Variants in UNC13D observed in about 807,000 individuals in gnomAD.
UNC13D encodes the protein protein unc-13 homolog D.
In UNC13D, 115 loss-of-function variants were observed where a neutral mutation model predicts 151.7. The ratio of observed to expected loss-of-function variants is 0.76; its 90% CI spans 0.65 to 0.88. The LOEUF (loss-of-function observed/expected upper bound fraction) is 0.88, where lower values mean the gene tolerates loss of function less well. Ranked by LOEUF, UNC13D falls within the 40% of genes least tolerant of loss-of-function variation. UNC13D has a pLI of 0.00. For synonymous variants in UNC13D, 588 were observed against 612.2 expected, an observed-to-expected ratio of 0.96 and a Z score of 0.58; for missense variants, 1,369 against 1,438.7, an observed-to-expected ratio of 0.95 and a Z score of 0.78.
intron 12 of UNC13D, among the ~76,000 whole-genome samples, chr17:75,838,838 C>T (rs577378482): frequency 9.6e-4 from 146 of 152,312 alleles, no homozygotes; most frequent in African/African-American, 3.0e-3. Flanking sequence ...CGGTGGCACG[C>T]GCCTATAATC....
chr17:75,840,961 T>C lies in UNC13D; in HGVS notation c.610A>G (p.Met204Val), dbSNP rs144722609. ...GGGGCAGGCCAGGTCACTCACCACATGTCCAGATGAAAGCTCGCATTGGTG... is the reference window on the plus strand; with the variant it reads ...GGGGCAGGCCAGGTCACTCACCACACGTCCAGATGAAAGCTCGCATTGGTG... The part of the protein sequence containing the change: ...DITNASFHLD[M>V]WDLDTVESVR... The change falls in exon 7 of 32, where the codon ATG becomes GTG. Residue 204 changes from methionine to valine, a missense_variant. This residue lies in a region of UNC13D where 550 missense variants were observed against 609.0 expected (regional missense o/e 0.90). Coordinates refer to ENST00000207549, the MANE Select transcript of UNC13D (RefSeq NM_199242.3). The surrounding 1 kb of genome is among the most constrained non-coding windows in gnomAD (Gnocchi z 4.6). 1,792 of 1,613,914 alleles carry C rather than the reference T, an allele frequency of 1.1e-3. 2 individuals carry two copies. Among genetic ancestry groups the C allele is most frequent in the Middle Eastern group, 2.3e-3 (14 of 6,062 alleles).
chr17:75,834,727 GT>G lies in UNC13D; in HGVS notation c.1993-12del. On this transcript the variant is annotated splice_polypyrimidine_tract_variant and intron_variant, in intron 21 of 31. Coordinates refer to ENST00000207549, the MANE Select transcript of UNC13D (RefSeq NM_199242.3). Reference sequence around the variant, plus strand: ...CAGGCGACAGGTGTCCTAGGGTGGGGTTGGACAGAGGGAACTGATCCATGGG... The same window carrying G: ...CAGGCGACAGGTGTCCTAGGGTGGGGTGGACAGAGGGAACTGATCCATGGG... 6.2e-7 allele frequency: 1 copy of G among 1,613,302 alleles called. No individual in the cohort carries two copies. The highest frequency in any genetic ancestry group is 8.5e-7 in the Non-Finnish European group (1 of 1,179,846).
At chr17:75,844,139 TG>T in intron 1 of UNC13D, 81 bp downstream of exon 1, 1 of 1,557,974 alleles carries the variant, frequency 6.4e-7, no homozygotes, top group Non-Finnish European at 8.7e-7. Flanking sequence ...CTTCGAGAGG[TG>T]GGGCCAGACA....
rs2064871115 is a variant in UNC13D at position 75,831,353 on chromosome 17, G to T, written c.2448-5C>A. On this transcript the variant is annotated splice_polypyrimidine_tract_variant and splice_region_variant and intron_variant, in intron 25 of 31. Coordinates refer to ENST00000207549, the MANE Select transcript of UNC13D (RefSeq NM_199242.3). ...GTCCAGAGCAGGGTCAGGAGGCTGG[G>T]GCGGGGCCGGAGGGATGCGGACACA... is the stretch of plus-strand genomic sequence containing the variant. 2.5e-6 allele frequency: 4 copies of T among 1,593,350 alleles called. No individual in the cohort carries two copies. Among genetic ancestry groups the T allele is most frequent in the African/African-American group, 1.7e-5 (1 of 60,170 alleles).
chr17:75,829,886 T>C (rs2062149194), intron 30 of UNC13D, 142 bp downstream of exon 30: 1 of 1,334,810 alleles, frequency 7.5e-7, no homozygotes, highest in Admixed American at 2.1e-5. Context: ...CTGCAAACTC[T>C]TGTCCCAGAT....
Position 75,843,195 on chromosome 17 carries a change from C to G in UNC13D, c.225G>C (p.Val75=), listed in dbSNP as rs1376919682. The change falls in exon 3 of 32, where the codon GTG becomes GTC. Residue 75 remains valine, a synonymous_variant. Transcript: ENST00000207549. ...ATCGCAGCAGCTCAGAGGCCTCCGT[C>G]ACATGGTTGGGCTCAGGATGACCCA... The part of the protein sequence containing the change: ...HRLGHPEPNH[V]TEASELLRYL... The G allele has an allele frequency of 6.2e-7, 1 of 1,612,286 alleles. No individual in the cohort carries two copies.
chr17:75,840,120 G>A lies in UNC13D; in HGVS notation c.859-10C>T, dbSNP rs774669801. 9 of 1,612,522 alleles carry A rather than the reference G, an allele frequency of 5.6e-6. No individual in the cohort carries two copies. The Admixed American group carries it at 1.5e-4, about 27-fold the overall frequency. On this transcript the variant is annotated splice_polypyrimidine_tract_variant and intron_variant, in intron 10 of 31. Coordinates refer to ENST00000207549, the MANE Select transcript of UNC13D (RefSeq NM_199242.3). This position sits in a 1 kb window ranked among gnomAD's most constrained non-coding sequence, Gnocchi z 4.6. ...TGGCCGAAGTGGCTCTCTGCAATGA[G>A]GCCTCTGTGAGCAGACAGGGCCTCA...
Position 75,834,486 on chromosome 17 carries a change from C to T in UNC13D, c.2137G>A (p.Gly713Ser), listed in dbSNP as rs115353346. The change falls in exon 23 of 32, where the codon GGC (glycine) becomes AGC (serine). Residue 713 changes from glycine to serine, a missense_variant. Gly to Ser is a moderately conservative substitution (Grantham distance 56). Around this residue, in one of 3 missense-constraint regions of UNC13D, gnomAD observed 807 missense variants for 795.5 expected, o/e 1.01. Transcript: ENST00000207549. ...NDMEQLRLVI[G>S]KLPAQLAWEA... is the part of the protein sequence containing the mutation. ...CATGCCAGCTGGGCGGGCAACTTGCCGATCACCAGCCGCAGCTGCTCCATG... is the reference window on the plus strand; with the variant it reads ...CATGCCAGCTGGGCGGGCAACTTGCTGATCACCAGCCGCAGCTGCTCCATG... 3.8e-5 allele frequency: 59 copies of T among 1,569,144 alleles called. No homozygotes were observed. The highest frequency in any genetic ancestry group is 6.7e-5 in the African/African-American group (5 of 74,106).
chr17:75,835,062 A>C lies in UNC13D; in HGVS notation c.1850T>G (p.Leu617Arg), dbSNP rs764166894. 1.2e-6 allele frequency: 2 copies of C among 1,613,860 alleles called. No individual in the cohort carries two copies. Among genetic ancestry groups the C allele is most frequent in the Non-Finnish European group, 1.7e-6 (2 of 1,180,022 alleles). ...RVQRAVQMDE[L>R]VPLGELTKHS... ...CTTGGTCAGTTCACCCAGGGGCACC[A>C]GCTGGGGGAAGAAAGGAGGACTCAG... The change falls in exon 21 of 32, where the codon CTG (leucine) becomes CGG (arginine). Residue 617 changes from leucine (L) to arginine (R), a missense_variant and splice_region_variant. Coordinates refer to ENST00000207549, the MANE Select transcript of UNC13D (RefSeq NM_199242.3).
intron 1 of UNC13D, 125 bp downstream of exon 1, chr17:75,844,096 G>T: frequency 6.7e-7 from 1 of 1,500,636 alleles, no homozygotes; most frequent in Non-Finnish European, 9.1e-7. Context: ...GGGTGGAGTA[G>T]GCAGGGGAGG....
At chr17:75,829,716 G>A (rs1395825148) in intron 30 of UNC13D, 6 of 343,168 alleles carry the variant, frequency 1.7e-5, no homozygotes, top group East Asian at 7.5e-5. Flanking sequence ...TCAGCCTCCC[G>A]AGTAGCTGAG....
Position 75,828,009 on chromosome 17 carries a change from G to T in UNC13D, c.3229C>A (p.Arg1077=). 1 of 1,596,758 alleles carries T rather than the reference G, an allele frequency of 6.3e-7. No homozygotes were observed. The highest frequency in any genetic ancestry group is 2.3e-5 in the East Asian group (1 of 43,746). The change falls in exon 32 of 32, where the codon CGG becomes AGG. Residue 1077 remains arginine (R), a synonymous_variant. Coordinates refer to ENST00000207549, the MANE Select transcript of UNC13D (RefSeq NM_199242.3). ...AQVFVRLRRH[R]AKQASQHALR... ...GCATGCTGGGAGGCCTGCTTGGCCC[G>T]GTGCCGCCGCAGCCTCACAAAGACC...
Position 75,835,906 on chromosome 17 carries a change from A to C in UNC13D, c.1545T>G (p.Asn515Lys). 6.2e-7 allele frequency: 1 copy of C among 1,614,154 alleles called. No individual in the cohort carries two copies. The highest frequency in any genetic ancestry group is 8.5e-7 in the Non-Finnish European group (1 of 1,180,010). The change falls in exon 18 of 32, where the codon AAT becomes AAG. Residue 515 changes from asparagine (N) to lysine (K), a missense_variant and splice_region_variant. By Grantham distance (94) the Asn-to-Lys change is moderately conservative. Around this residue, in one of 3 missense-constraint regions of UNC13D, gnomAD observed 807 missense variants for 795.5 expected, o/e 1.01. Coordinates refer to ENST00000207549, the MANE Select transcript of UNC13D (RefSeq NM_199242.3). The stretch of plus-strand genomic sequence containing the variant: ...TGGAGAAGAGGTGGATCTTGAGGGT[A>C]CTGGAGGAAAGGCAGCAGGTGTCAC... Reference protein sequence around the residue: ...CQRTWDKIFHNTLKIHLFSMA... With the variant: ...CQRTWDKIFHKTLKIHLFSMA...
intron 3 of UNC13D, 24 bp from the exon 4 acceptor site, chr17:75,843,097 GT>G: frequency 6.2e-7 from 1 of 1,603,506 alleles, no homozygotes; most frequent in Non-Finnish European, 8.5e-7. Flanking sequence ...AGGCGGGTGG[GT>G]GGCTGGGGGC....
chr17:75,835,378 G>A, intron 20 of UNC13D, 31 bp downstream of exon 20: 1 of 1,606,048 alleles, frequency 6.2e-7, no homozygotes, highest in Non-Finnish European at 8.5e-7. Context: ...CCAAACCGGG[G>A]CCCCGCCCCC....
Position 75,835,679 on chromosome 17 carries a change from C to A in UNC13D, c.1695G>T (p.Glu565Asp). ...AGGAGCTCATGCGCAGCTGGCAGAG[C>A]TCCTTGAGGCTGATGTAGAGCTGGA... ...SLFQLYISLK[E>D]LCQLRMSSSE... The change falls in exon 19 of 32, where the codon GAG becomes GAT. Residue 565 changes from glutamate (E) to aspartate (D), a missense_variant. Transcript: ENST00000207549. The A allele has an allele frequency of 6.2e-7, 1 of 1,613,490 alleles. No individual in the cohort carries two copies. The highest frequency in any genetic ancestry group is 8.5e-7 in the Non-Finnish European group (1 of 1,180,042).
At position 75,830,624 on chromosome 17, in the gene UNC13D, C is replaced by A; in HGVS notation, c.2663G>T (p.Ser888Ile). Residue 888 changes from serine (S) to isoleucine (I), a missense_variant, in exon 28 of 32, where the codon AGC (serine) becomes ATC (isoleucine). Transcript: ENST00000207549. ...GAAGTACTTCCGGATGAGTTCCCGG[C>A]TGGAGGCCGCCTGCAGCTCCAGGTC... The part of the protein sequence containing the change: ...QRDLELQAAS[S>I]RELIRKYFCS... 1 of 1,557,078 alleles carries A rather than the reference C, an allele frequency of 6.4e-7. No individual in the cohort carries two copies. The highest frequency in any genetic ancestry group is 8.7e-7 in the Non-Finnish European group (1 of 1,150,688).
intron 29 of UNC13D, 77 bp downstream of exon 29, chr17:75,830,285 G>A: frequency 1.3e-6 from 2 of 1,566,114 alleles, no homozygotes; most frequent in South Asian, 1.2e-5. Context: ...TGCAGGGTGA[G>A]CGAAGCCCCC....
Position 75,837,126 on chromosome 17 carries a change from C to T in UNC13D, c.1056-208G>A, listed in dbSNP as rs191936699. ...CGTCACCCAGGCTGGAGTGCAGTGG[C>T]GTGATCTCGGCTCACTGCAACCTGC... On this transcript the variant is annotated intron_variant, in intron 12 of 31. Coordinates refer to ENST00000207549, the MANE Select transcript of UNC13D (RefSeq NM_199242.3). Among the ~76,000 whole-genome samples the T allele has an allele frequency of 8.9e-4, 135 of 151,630 alleles. 1 individual carries two copies. The highest frequency in any genetic ancestry group is 1.8e-3 in the Admixed American group (27 of 15,252).
Sources: allele counts gnomAD v4.1 joint callset (sites outside exome capture counted in the v4.1 genomes callset), GRCh38; gene constraint gnomAD v4.1.1; regional missense constraint gnomAD v4.1.1; non-coding constraint Gnocchi (gnomAD v3.1); transcripts MANE v1.5; gene names NCBI Gene and HGNC (gene_info 2026-07-23, HGNC 2026-07-21).